Variants in EPB41L3 observed in about 807,000 individuals in gnomAD.
The protein encoded by EPB41L3 is band 4.1-like protein 3.
EPB41L3 carries 57 observed loss-of-function variants against 127.1 expected under a neutral mutation model. The observed-to-expected ratio is 0.45, with a 90% CI of 0.36 to 0.56. The LOEUF (loss-of-function observed/expected upper bound fraction) is 0.56, where lower values mean the gene tolerates loss of function less well. Ranked by LOEUF, EPB41L3 falls within the 20% of genes least tolerant of loss-of-function variation. The probability of loss-of-function intolerance (pLI) is 0.00; values close to 1 mark genes in which losing one functional copy is unlikely to be tolerated. For synonymous variants in EPB41L3, 572 were observed against 549.5 expected (o/e 1.04, Z -0.57); for missense variants, 1,273 against 1,372.2 (o/e 0.93, Z 1.14).
intron 3 of EPB41L3, among the ~76,000 whole-genome samples, chr18:5,553,989 G>A (rs1468917468): frequency 6.6e-6 from 1 of 152,270 alleles, no homozygotes; most frequent in African/African-American, 2.4e-5. Flanking sequence ...ACACAACCAG[G>A]TGCACTCTCA....
At chr18:5,508,242 C>T (rs2092323358) in intron 1 of EPB41L3, 1 of 152,198 alleles carries the variant, frequency 6.6e-6, no homozygotes, top group Non-Finnish European at 1.5e-5. Context: ...AAAACAATAA[C>T]AAAAAATCTT....
intron 3 of EPB41L3, among the ~76,000 whole-genome samples, chr18:5,569,859 C>T (rs1006692509): frequency 2.0e-5 from 3 of 152,180 alleles, no homozygotes; most frequent in Non-Finnish European, 4.4e-5. Context: ...ATGAACTTTG[C>T]TTGGAGCTGA....
rs564430589 is a variant in EPB41L3, at chr18:5,441,282, C to T, written c.529+2556G>A. Reference sequence around the variant, plus strand: ...CTAAAGGAATACTGTGAGCCCACAGCATAAAAAGCATGGAAACATCCTTTT... The same window carrying T: ...CTAAAGGAATACTGTGAGCCCACAGTATAAAAAGCATGGAAACATCCTTTT... On this transcript the variant is annotated intron_variant, in intron 5 of 22. Coordinates refer to ENST00000341928, the MANE Select transcript of EPB41L3 (RefSeq NM_012307.5). Among the ~76,000 whole-genome samples, 9 of 152,212 alleles carry T rather than the reference C, an allele frequency of 5.9e-5. No homozygotes were observed. In the East Asian group the frequency reaches 1.7e-3, roughly 29 times the overall value.
intron 1 of EPB41L3, among the ~76,000 whole-genome samples, chr18:5,535,442 C>T (rs975104363): frequency 1.3e-5 from 2 of 152,190 alleles, no homozygotes; most frequent in Admixed American, 6.5e-5. Context: ...AGCCAGTAAG[C>T]ATATTCCTTC....
At chr18:5,575,433 C>T (rs1302788426) in intron 3 of EPB41L3, among the ~76,000 whole-genome samples, 1 of 152,068 alleles carries the variant, frequency 6.6e-6, no homozygotes, top group East Asian at 1.9e-4. Flanking sequence ...TTAAAAACAG[C>T]TGGTACTTCC....
chr18:5,540,954 G>T (rs916630823), intron 1 of EPB41L3, among the ~76,000 whole-genome samples: 3 of 151,848 alleles, frequency 2.0e-5, no homozygotes, highest in South Asian at 2.1e-4. Flanking sequence ...GCGTGGTGGC[G>T]GGCGCCTGTA....
chr18:5,453,904 C>T (rs2082642987), intron 3 of EPB41L3, among the ~76,000 whole-genome samples: 2 of 152,144 alleles, frequency 1.3e-5, no homozygotes, highest in Non-Finnish European at 2.9e-5. Context: ...TCTTTTTCCC[C>T]CCATGCTTCC....
chr18:5,504,807 C>T (rs148001526), intron 1 of EPB41L3, among the ~76,000 whole-genome samples: 8 of 152,230 alleles, frequency 5.3e-5, no homozygotes, highest in Non-Finnish European at 8.8e-5. Flanking sequence ...CTCCTGATTC[C>T]CAAGCCTCAT....
chr18:5,501,615 T>C (rs1364376966), intron 1 of EPB41L3, among the ~76,000 whole-genome samples: 1 of 152,226 alleles, frequency 6.6e-6, no homozygotes, highest in Non-Finnish European at 1.5e-5. Context: ...GCCCCACAAT[T>C]AATTAACTAA....
In EPB41L3 at chr18:5,395,099, T is replaced by C. The variant is rs140548684; in HGVS notation, c.3121A>G (p.Ile1041Val). The C allele has an allele frequency of 1.6e-4, 259 of 1,614,176 alleles. No homozygotes were observed. Among genetic ancestry groups the C allele is most frequent in the Non-Finnish European group, 2.1e-4 (245 of 1,180,026 alleles). ...SETRIEKRIV[I>V]TGDADIDHDQ... ...TGGTCAATGTCTGCATCCCCCGTGA[T>C]GACTATTCGCTTCTCAATTCTTGTC... The change falls in exon 21 of 23, where the codon ATC (isoleucine) becomes GTC (valine). Residue 1041 changes from isoleucine to valine, a missense_variant. Around this residue, in one of 3 missense-constraint regions of EPB41L3, gnomAD observed 765 missense variants for 782.9 expected, o/e 0.98. Coordinates refer to ENST00000341928, the MANE Select transcript of EPB41L3 (RefSeq NM_012307.5).
intron 16 of EPB41L3, among the ~76,000 whole-genome samples, chr18:5,402,376 C>T (rs1379379302): frequency 6.6e-6 from 1 of 151,598 alleles, no homozygotes; most frequent in African/African-American, 2.4e-5. Context: ...TTCAGAATAA[C>T]AGTGCTAGGT....
chr18:5,488,833 C>A, intron 2 of EPB41L3, 168 bp downstream of exon 2: 1 of 656,772 alleles, frequency 1.5e-6, no homozygotes, highest in South Asian at 2.6e-5. Flanking sequence ...TGTGGAATGT[C>A]ATTCACTGAA....
chr18:5,606,085 T>A (rs895853915), intron 3 of EPB41L3, among the ~76,000 whole-genome samples: 1 of 152,154 alleles, frequency 6.6e-6, no homozygotes, highest in African/African-American at 2.4e-5. Context: ...AGTAATAGCA[T>A]CAGGGAAAAA....
At chr18:5,610,326 T>C (rs2094711709) in intron 3 of EPB41L3, 13 of 984,868 alleles carry the variant, frequency 1.3e-5, no homozygotes, top group Non-Finnish European at 1.6e-5. Flanking sequence ...GACACTTCCC[T>C]CCTTTCTAGA....
chr18:5,566,169 C>T (rs949752144), intron 3 of EPB41L3, among the ~76,000 whole-genome samples: 1 of 152,164 alleles, frequency 6.6e-6, no homozygotes, highest in African/African-American at 2.4e-5. Flanking sequence ...AAGAGGAAGT[C>T]AAATTGTCCC....
chr18:5,434,199 G>T, intron 6 of EPB41L3, 78 bp from the exon 7 acceptor site: 1 of 1,165,622 alleles, frequency 8.6e-7, no homozygotes, highest in Non-Finnish European at 1.3e-6. Context: ...TAAAAATCGT[G>T]GGCAAATAAT....
intron 1 of EPB41L3, among the ~76,000 whole-genome samples, chr18:5,534,036 G>A (rs766481880): frequency 5.9e-5 from 9 of 152,106 alleles, no homozygotes; most frequent in Non-Finnish European, 1.2e-4. Context: ...GGTGGCGGGC[G>A]CCTGTAGTCC....
intron 12 of EPB41L3, among the ~76,000 whole-genome samples, chr18:5,417,456 G>A (rs1227994148): frequency 2.0e-5 from 3 of 152,196 alleles, no homozygotes; most frequent in Admixed American, 2.0e-4. Context: ...GCCCCAAGCA[G>A]GACCTGGGCA....
At chr18:5,447,354 TC>T (rs1441373398) in intron 3 of EPB41L3, among the ~76,000 whole-genome samples, 1 of 151,906 alleles carries the variant, frequency 6.6e-6, no homozygotes, top group African/African-American at 2.4e-5. Context: ...CATATCCAAC[TC>T]CTGGTGGTGC....
Sources: allele counts gnomAD v4.1 joint callset (sites outside exome capture counted in the v4.1 genomes callset), GRCh38; gene constraint gnomAD v4.1.1; regional missense constraint gnomAD v4.1.1; transcripts MANE v1.5; gene names NCBI Gene and HGNC (gene_info 2026-07-23, HGNC 2026-07-21).